CHMP3: variants seen among roughly 807,000 people sequenced by gnomAD.
CHMP3 encodes the protein charged multivesicular body protein 3, also known as 25.1 protein.
In CHMP3, 8 loss-of-function variants were observed where a neutral mutation model predicts 27.4. The ratio of observed to expected loss-of-function variants is 0.29; its 90% CI spans 0.17 to 0.53. The LOEUF (loss-of-function observed/expected upper bound fraction) is 0.53. CHMP3 is among the 20% of genes least tolerant of loss of function. CHMP3 has a pLI of 0.96. For missense variants in CHMP3, 208 were observed against 271.5 expected (o/e 0.77, Z 1.64); for synonymous variants, 86 against 85.5 (o/e 1.01, Z -0.03).
chr2:86,528,126 T>C (rs750245414), intron 3 of CHMP3, among the ~76,000 whole-genome samples: 1 of 152,170 alleles, frequency 6.6e-6, no homozygotes. Context: ...AGGCATATTT[T>C]AAAACCACAT....
At position 86,504,578 on chromosome 2, in the gene CHMP3, C is replaced by G. The variant is rs1674820757; in HGVS notation, c.*1226G>C. ...CCCAGGCTGGTCTTGAACTCCTATT[C>G]TCAAGAGAGCCTCCTGCCTCAGCCT... On this transcript the variant is annotated 3_prime_UTR_variant, in exon 6 of 6. Coordinates refer to ENST00000263856, the MANE Select transcript of CHMP3 (RefSeq NM_016079.4). The G allele has an allele frequency of 8.2e-6, 1 of 122,576 alleles. No individual in the cohort carries two copies. Among genetic ancestry groups the G allele is most frequent in the Non-Finnish European group, 1.6e-5 (1 of 63,242 alleles). 7.6% of individuals were successfully genotyped at this position (122,576 alleles called of 1,614,324 possible).
chr2:86,545,037 G>A (rs867395200), intron 1 of CHMP3, among the ~76,000 whole-genome samples: 41 of 53,800 alleles, frequency 7.6e-4, no homozygotes, highest in Non-Finnish European at 1.2e-3. Flanking sequence ...GACGAAGGGC[G>A]GCCGGGCAGA....
chr2:86,507,351 G>T, intron 5 of CHMP3, 128 bp downstream of exon 5: 1 of 725,544 alleles, frequency 1.4e-6, no homozygotes, highest in Non-Finnish European at 2.4e-6. Flanking sequence ...GAAATAAGCT[G>T]CACAGTGTAA....
At chr2:86,534,196 CTTTTTTTTTTTTTT>C (rs33977886) in intron 2 of CHMP3, among the ~76,000 whole-genome samples, 5 of 66,938 alleles carry the variant, frequency 7.5e-5, no homozygotes, top group African/African-American at 2.2e-4. Context: ...TGCTTTATTT[CTTTTTTTTTTTTTT>C]TTTTTTTTTT....
At chr2:86,556,544 G>C (rs77442606) in intron 1 of CHMP3, among the ~76,000 whole-genome samples, 1 of 152,172 alleles carries the variant, frequency 6.6e-6, no homozygotes, top group South Asian at 2.1e-4. Flanking sequence ...GCTGAAGGCA[G>C]CCAGATTCTC....
intron 1 of CHMP3, among the ~76,000 whole-genome samples, chr2:86,547,218 G>A (rs977555235): frequency 2.0e-5 from 3 of 152,088 alleles, no homozygotes; most frequent in Non-Finnish European, 4.4e-5. Flanking sequence ...CCAAGCCCTT[G>A]CATAATGCCT....
At chr2:86,549,436 C>T (rs1676777956) in intron 1 of CHMP3, among the ~76,000 whole-genome samples, 1 of 145,514 alleles carries the variant, frequency 6.9e-6, no homozygotes. Flanking sequence ...AGGCGCTCCT[C>T]AGTTCCCAGA....
At chr2:86,511,072 T>C (rs1163216690) in intron 3 of CHMP3, 1 of 152,214 alleles carries the variant, frequency 6.6e-6, no homozygotes, top group African/African-American at 2.4e-5. Context: ...CACGGTAGTA[T>C]CAAAAGATCA....
At chr2:86,534,196 C>CTTTTTTTTT (rs33977886) in intron 2 of CHMP3, among the ~76,000 whole-genome samples, 11 of 66,940 alleles carry the variant, frequency 1.6e-4, no homozygotes, top group Non-Finnish European at 2.4e-4. Context: ...TGCTTTATTT[C>CTTTTTTTTT]TTTTTTTTTT....
At chr2:86,558,477 T>C (rs1293678698) in intron 1 of CHMP3, among the ~76,000 whole-genome samples, 1 of 152,182 alleles carries the variant, frequency 6.6e-6, no homozygotes, top group East Asian at 1.9e-4. Flanking sequence ...TACTCACTCA[T>C]CATTTAACAA....
intron 3 of CHMP3, among the ~76,000 whole-genome samples, chr2:86,520,963 T>A (rs1675498754): frequency 6.6e-6 from 1 of 152,188 alleles, no homozygotes; most frequent in South Asian, 2.1e-4. Context: ...ATTCCACCAT[T>A]GTGATTTGTT....
intron 1 of CHMP3, among the ~76,000 whole-genome samples, chr2:86,549,717 C>T (rs185267246): frequency 0.013 from 1,848 of 138,434 alleles, 9 homozygotes; most frequent in Non-Finnish European, 0.019. Flanking sequence ...CCAGATGGGG[C>T]GGCCGGGCAG....
intron 2 of CHMP3, among the ~76,000 whole-genome samples, chr2:86,533,260 G>C (rs1225594149): frequency 6.6e-6 from 1 of 152,114 alleles, no homozygotes; most frequent in East Asian, 1.9e-4. Context: ...GGAATCAGTA[G>C]TAATGTCTCC....
intron 1 of CHMP3, among the ~76,000 whole-genome samples, chr2:86,550,687 T>C (rs762995410): frequency 1.3e-4 from 20 of 152,208 alleles, no homozygotes; most frequent in Non-Finnish European, 2.4e-4. Context: ...CAGCCCACTA[T>C]ATCCATGGGT....
chr2:86,536,291 C>T (rs1676138850), intron 2 of CHMP3, among the ~76,000 whole-genome samples: 3 of 152,178 alleles, frequency 2.0e-5, no homozygotes, highest in South Asian at 2.1e-4. Flanking sequence ...AGCCACCACG[C>T]CCGGCCTAAA....
chr2:86,513,842 C>T (rs750062556), intron 3 of CHMP3, among the ~76,000 whole-genome samples: 12 of 152,196 alleles, frequency 7.9e-5, no homozygotes, highest in South Asian at 2.1e-4. Context: ...GCCAGAGAGC[C>T]GTTGGGCTTT....
chr2:86,532,562 C>T (rs1473619647), intron 2 of CHMP3, among the ~76,000 whole-genome samples: 1 of 151,846 alleles, frequency 6.6e-6, no homozygotes, highest in Non-Finnish European at 1.5e-5. Context: ...TTTGATAGTC[C>T]CTGTGGTTTT....
chr2:86,563,287 GC>G lies in CHMP3; in HGVS notation c.45+16del. 6.2e-7 allele frequency: 1 copy of G among 1,613,478 alleles called. No homozygotes were observed. The highest frequency in any genetic ancestry group is 8.5e-7 in the Non-Finnish European group (1 of 1,179,594). ...ACACAGATCCACCCGCTTATCTGCC[GC>G]CGCCGTAGCCCTTACCAGTTCTTTG... is the stretch of plus-strand genomic sequence containing the variant. On this transcript the variant is annotated intron_variant, in intron 1 of 5. Coordinates refer to ENST00000263856, the MANE Select transcript of CHMP3 (RefSeq NM_016079.4).
chr2:86,505,139 GGGAA>G lies in CHMP3; in HGVS notation c.*661_*664del, dbSNP rs1674840714. Reference sequence around the variant, plus strand: ...GTCTCATCTGGGTGCAACTTGCAATGGGAAGGAAGGGACAGAAGCTCTAAATAGA... The same window carrying G: ...GTCTCATCTGGGTGCAACTTGCAATGGGAAGGGACAGAAGCTCTAAATAGA... On this transcript the variant is annotated 3_prime_UTR_variant, in exon 6 of 6. Transcript: ENST00000263856. 6.6e-6 allele frequency: 1 copy of G among 152,558 alleles called. No individual in the cohort carries two copies. The highest frequency in any genetic ancestry group is 2.1e-4 in the South Asian group (1 of 4,826). 9.5% of individuals were successfully genotyped at this position (152,558 alleles called of 1,614,324 possible).
Sources: gnomAD v4.1 joint callset for allele counts (sites outside exome capture counted in the v4.1 genomes callset) on GRCh38, gnomAD v4.1.1 for gene constraint, MANE v1.5 for transcripts, NCBI Gene and HGNC (gene_info 2026-07-23, HGNC 2026-07-21) for gene names.